The following MPP7 variants were observed in gnomAD, a reference collection of about 807,000 sequenced individuals.
MPP7 encodes MAGUK p55 subfamily member 7.
MPP7 carries 60 observed loss-of-function variants against 76.5 expected under a neutral mutation model. That is an observed-to-expected ratio of 0.78 (90% CI 0.64 to 0.97). MPP7 has a LOEUF of 0.97. Among genes scored for constraint, MPP7 ranks in the 50% least tolerant of loss-of-function variants. The pLI, the probability that MPP7 is intolerant of heterozygous loss-of-function variation, is 0.00. For missense variants in MPP7, 641 were observed against 694.0 expected, an observed-to-expected ratio of 0.92 and a Z score of 0.86; for synonymous variants, 237 against 244.5, an observed-to-expected ratio of 0.97 and a Z score of 0.29.
chr10:28,188,089 T>C (rs1438295118), intron 3 of MPP7, among the ~76,000 whole-genome samples: 2 of 152,152 alleles, frequency 1.3e-5, no homozygotes, highest in South Asian at 2.1e-4. Context: ...ATTAAGAAGA[T>C]TTTTCCCTTT....
chr10:28,175,431 T>A (rs753339691), intron 3 of MPP7, among the ~76,000 whole-genome samples: 18 of 102,512 alleles, frequency 1.8e-4, no homozygotes, highest in African/African-American at 6.7e-4. Flanking sequence ...CATTTTGGGG[T>A]TCTGCAGGAA....
chr10:28,162,529 C>A (rs1478902311), intron 3 of MPP7, among the ~76,000 whole-genome samples: 6 of 152,078 alleles, frequency 3.9e-5, no homozygotes, highest in Admixed American at 6.6e-5. Context: ...ACAAGTATGG[C>A]CACCAAAGGA....
chr10:28,247,970 T>C (rs1839491081), intron 1 of MPP7, among the ~76,000 whole-genome samples: 1 of 152,214 alleles, frequency 6.6e-6, no homozygotes, highest in Non-Finnish European at 1.5e-5. Flanking sequence ...TTGTATGTCA[T>C]AGCTCTGAAT....
chr10:28,083,138 T>C (rs1852840895), intron 12 of MPP7, among the ~76,000 whole-genome samples: 1 of 152,212 alleles, frequency 6.6e-6, no homozygotes, highest in African/African-American at 2.4e-5. Context: ...TCATCTTCTA[T>C]ATTATCCTGC....
At chr10:28,145,468 T>G (rs1411232444) in intron 5 of MPP7, among the ~76,000 whole-genome samples, 3 of 152,204 alleles carry the variant, frequency 2.0e-5, no homozygotes, top group Admixed American at 6.5e-5. Flanking sequence ...TTTAGTTTAC[T>G]CCCAGGACAA....
Position 28,232,216 on chromosome 10 carries a change from G to A in MPP7, c.37+6352C>T, listed in dbSNP as rs186457588. On this transcript the variant is annotated intron_variant, in intron 2 of 16. Coordinates refer to ENST00000683449, the MANE Select transcript of MPP7 (RefSeq NM_001318170.2). Reference sequence around the variant, plus strand: ...AGTCTCTACAAAAAATAAAAAATTAGCCAGGCATGGTGGCATGCGCCTAAA... The same window carrying A: ...AGTCTCTACAAAAAATAAAAAATTAACCAGGCATGGTGGCATGCGCCTAAA... 2.0e-5 allele frequency among the ~76,000 whole-genome samples: 3 copies of A among 152,168 alleles called. No individual in the cohort carries two copies. In the East Asian group the frequency reaches 5.8e-4, roughly 29 times the overall value.
intron 1 of MPP7, among the ~76,000 whole-genome samples, chr10:28,275,271 G>A (rs146811734): frequency 3.3e-5 from 5 of 152,116 alleles, no homozygotes; most frequent in East Asian, 1.9e-4. Flanking sequence ...CTCTTCTGCC[G>A]GATACCCTCT....
intron 11 of MPP7, among the ~76,000 whole-genome samples, chr10:28,094,210 A>G (rs1853454977): frequency 6.6e-6 from 1 of 152,140 alleles, no homozygotes; most frequent in Admixed American, 6.6e-5. Flanking sequence ...ATGAAGCTTC[A>G]GTGCCTTAAT....
chr10:28,156,313 T>TA (rs1202349711), intron 3 of MPP7, among the ~76,000 whole-genome samples: 5 of 152,182 alleles, frequency 3.3e-5, no homozygotes, highest in African/African-American at 1.2e-4. Context: ...AAACACCTAA[T>TA]AAACAGTATT....
At chr10:28,167,373 CAGAA>C (rs1836517422) in intron 3 of MPP7, among the ~76,000 whole-genome samples, 1 of 151,978 alleles carries the variant, frequency 6.6e-6, no homozygotes, top group African/African-American at 2.4e-5. Flanking sequence ...GCTACTGAAA[CAGAA>C]AGCCAAACTG....
chr10:28,281,925 T>G (rs961574693), intron 1 of MPP7: 1 of 152,064 alleles, frequency 6.6e-6, no homozygotes, highest in Non-Finnish European at 1.5e-5. Context: ...TGTACACCAA[T>G]TAAGCAAGGA....
intron 5 of MPP7, among the ~76,000 whole-genome samples, chr10:28,135,226 C>T (rs1481254738): frequency 6.6e-6 from 1 of 152,014 alleles, no homozygotes; most frequent in African/African-American, 2.4e-5. Context: ...AATCCAGAGA[C>T]GTCAACTGAC....
chr10:28,276,925 G>A (rs916276481), intron 1 of MPP7, among the ~76,000 whole-genome samples: 1 of 151,968 alleles, frequency 6.6e-6, no homozygotes, highest in Non-Finnish European at 1.5e-5. Flanking sequence ...AGGTGTGGTG[G>A]CTCTTGCCTA....
chr10:28,090,425 A>G (rs911019851), intron 11 of MPP7, among the ~76,000 whole-genome samples: 3 of 152,212 alleles, frequency 2.0e-5, no homozygotes, highest in African/African-American at 7.2e-5. Context: ...TCATTGAGTA[A>G]AATAACTATA....
chr10:28,106,782 T>C (rs1834338897), intron 11 of MPP7, among the ~76,000 whole-genome samples: 1 of 152,192 alleles, frequency 6.6e-6, no homozygotes, highest in African/African-American at 2.4e-5. Context: ...CAATTTGGCT[T>C]CCGGTGAAAA....
At chr10:28,198,594 A>G (rs974393207) in intron 3 of MPP7, among the ~76,000 whole-genome samples, 39 of 152,042 alleles carry the variant, frequency 2.6e-4, no homozygotes, top group African/African-American at 7.2e-4. Flanking sequence ...AAAAAAAAAA[A>G]AAAGAAAGAA....
chr10:28,239,206 G>T (rs1839183124), intron 1 of MPP7, among the ~76,000 whole-genome samples: 1 of 150,286 alleles, frequency 6.7e-6, no homozygotes, highest in Non-Finnish European at 1.5e-5. Context: ...GTGCAATGGT[G>T]CGATCTGGGC....
intron 3 of MPP7, among the ~76,000 whole-genome samples, chr10:28,189,767 AC>A (rs1837352936): frequency 6.6e-6 from 1 of 152,050 alleles, no homozygotes; most frequent in Non-Finnish European, 1.5e-5. Flanking sequence ...AATCTTAGAA[AC>A]TAACAAGTGC....
At chr10:28,196,062 A>G (rs916008455) in intron 3 of MPP7, among the ~76,000 whole-genome samples, 2 of 152,248 alleles carry the variant, frequency 1.3e-5, no homozygotes, top group Non-Finnish European at 2.9e-5. Context: ...GTTCACACTT[A>G]TAACAAAGAC....
Sources: allele counts gnomAD v4.1 joint callset (sites outside exome capture counted in the v4.1 genomes callset), GRCh38; gene constraint gnomAD v4.1.1; transcripts MANE v1.5; gene names NCBI Gene and HGNC (gene_info 2026-07-23, HGNC 2026-07-21).